PSMA4: variants seen among roughly 807,000 people sequenced by gnomAD.
PSMA4 encodes the protein proteasome 20S subunit alpha 4, also known as proteasome subunit alpha type-4.
A neutral mutation model predicts 37.2 loss-of-function variants in PSMA4; 8 were observed. The observed-to-expected ratio is 0.22, with a 90% CI of 0.13 to 0.39. The LOEUF (loss-of-function observed/expected upper bound fraction) is 0.39. PSMA4 is among the 10% of genes least tolerant of loss of function. PSMA4 has a pLI of 1.00. For synonymous variants in PSMA4, 93 were observed against 98.8 expected (o/e 0.94, Z 0.35); for missense variants, 169 against 305.1 (o/e 0.55, Z 3.32).
chr15:78,547,266 C>A (rs2052570147), intron 8 of PSMA4, among the ~76,000 whole-genome samples: 1 of 152,182 alleles, frequency 6.6e-6, no homozygotes, highest in South Asian at 2.1e-4. Context: ...ACTGAACAAT[C>A]TCATTACTCA....
At chr15:78,543,272 G>T (rs1232775833) in intron 4 of PSMA4, among the ~76,000 whole-genome samples, 3 of 152,138 alleles carry the variant, frequency 2.0e-5, no homozygotes, top group African/African-American at 7.2e-5. Flanking sequence ...GATTATCAGG[G>T]CCTTTTGATA....
Position 78,549,137 on chromosome 15 carries a change from GTC to G in PSMA4, c.*195_*196del. ...ACGATGATGGTTACCCTTCATGGACGTCTTAATCTTCCACACACATCCCCTTT... is the reference window on the plus strand; with the variant it reads ...ACGATGATGGTTACCCTTCATGGACGTTAATCTTCCACACACATCCCCTTT... On this transcript the variant is annotated 3_prime_UTR_variant, in exon 9 of 9. Transcript: ENST00000044462. 1 of 840,050 alleles carries G rather than the reference GTC, an allele frequency of 1.2e-6. No homozygotes were observed. The highest frequency in any genetic ancestry group is 1.6e-6 in the Non-Finnish European group (1 of 635,528). 52.0% of individuals were successfully genotyped at this position (840,050 alleles called of 1,614,324 possible). A position where few individuals can be genotyped will look rare whatever the true frequency, so the allele number is the denominator to read the frequency against.
rs566642442 is a variant in PSMA4, at chr15:78,548,069, A to G, written c.632-721A>G. On this transcript the variant is annotated intron_variant, in intron 8 of 8. Transcript: ENST00000044462. ...ACATGGTGAAACCCCTGCCTCTACT[A>G]AAAATACAAAAAATTAGCCGGGCGT... 1.4e-4 allele frequency among the ~76,000 whole-genome samples: 22 copies of G among 152,008 alleles called. No individual in the cohort carries two copies. The East Asian group carries it at 1.9e-3, about 13-fold the overall frequency.
intron 3 of PSMA4, 30 bp downstream of exon 3, chr15:78,542,249 A>G (rs1363404227): frequency 6.4e-7 from 1 of 1,568,422 alleles, no homozygotes; most frequent in Non-Finnish European, 8.6e-7. Flanking sequence ...ATCTGCCTCA[A>G]GTTTAAAAAT....
Position 78,542,568 on chromosome 15 carries a change from G to T in PSMA4, c.132G>T (p.Leu44Phe). The change falls in exon 4 of 9, where the codon TTG (leucine) becomes TTT (phenylalanine). Residue 44 changes from leucine (L) to phenylalanine (F), a missense_variant. Coordinates refer to ENST00000044462, the MANE Select transcript of PSMA4 (RefSeq NM_002789.6). ...GAATTTTAGCAAATGATGGTGTTTT[G>T]CTTGCAGCAGAGAGACGCAACATCC... is the stretch of plus-strand genomic sequence containing the variant. ...CLGILANDGV[L>F]LAAERRNIHK... The T allele has an allele frequency of 6.2e-7, 1 of 1,614,128 alleles. No homozygotes were observed. The highest frequency in any genetic ancestry group is 8.5e-7 in the Non-Finnish European group (1 of 1,180,026).
At chr15:78,544,830 TTAGAGAAAAC>T in intron 5 of PSMA4, 29 bp from the exon 6 acceptor site, 1 of 1,389,806 alleles carries the variant, frequency 7.2e-7, no homozygotes, top group Non-Finnish European at 1.0e-6. Flanking sequence ...TGTCTGTGTT[TTAGAGAAAAC>T]TACTAATGTG....
intron 3 of PSMA4, 26 bp downstream of exon 3, chr15:78,542,245 C>T (rs996719808): frequency 4.5e-6 from 7 of 1,569,664 alleles, no homozygotes; most frequent in African/African-American, 2.8e-5. Flanking sequence ...TTTAATCTGC[C>T]TCAAGTTTAA....
chr15:78,544,651 A>C lies in PSMA4; in HGVS notation c.288-218A>C, dbSNP rs145622113. On this transcript the variant is annotated intron_variant, in intron 5 of 8. Coordinates refer to ENST00000044462, the MANE Select transcript of PSMA4 (RefSeq NM_002789.6). ...ACTTTTGCAAAGATTAAAGTCATTA[A>C]AAATCTTTGAATTGAAAATTACAGA... 1.2e-3 allele frequency: 608 copies of C among 491,712 alleles called. 1 individual carries two copies. Among genetic ancestry groups the C allele is most frequent in the African/African-American group, 0.011 (559 of 50,778 alleles). 30.5% of individuals were successfully genotyped at this position (491,712 alleles called of 1,614,324 possible).
Position 78,545,631 on chromosome 15 carries a change from A to C in PSMA4, c.377-3A>C, listed in dbSNP as rs1446783466. Reference sequence around the variant, plus strand: ...TATGTTTGGCTTTTTTTCTTTGTTAAAGGAAAACGTCCCTTTGGTGTTTCA... The same window carrying C: ...TATGTTTGGCTTTTTTTCTTTGTTACAGGAAAACGTCCCTTTGGTGTTTCA... On this transcript the variant is annotated splice_region_variant and splice_polypyrimidine_tract_variant and intron_variant, in intron 6 of 8. Coordinates refer to ENST00000044462, the MANE Select transcript of PSMA4 (RefSeq NM_002789.6). 1 of 1,613,758 alleles carries C rather than the reference A, an allele frequency of 6.2e-7. No homozygotes were observed. The highest frequency in any genetic ancestry group is 1.7e-5 in the Admixed American group (1 of 59,964).
In PSMA4 at chr15:78,549,136, C is replaced by A; in HGVS notation, c.*192C>A. The A allele has an allele frequency of 2.4e-6, 2 of 845,162 alleles. No individual in the cohort carries two copies. Among genetic ancestry groups the A allele is most frequent in the Non-Finnish European group, 3.1e-6 (2 of 639,860 alleles). 52.4% of individuals were successfully genotyped at this position (845,162 alleles called of 1,614,324 possible). ...AACGATGATGGTTACCCTTCATGGA[C>A]GTCTTAATCTTCCACACACATCCCC... On this transcript the variant is annotated 3_prime_UTR_variant, in exon 9 of 9. Transcript: ENST00000044462.
rs2052607921 is a variant in PSMA4 at position 78,549,093 on chromosome 15, A to G, written c.*149A>G. The stretch of plus-strand genomic sequence containing the variant: ...AATTGGGTCCTTGTCATTTCTGTCC[A>G]ATTGAATACTTTATTGTAACGATGA... On this transcript the variant is annotated 3_prime_UTR_variant, in exon 9 of 9. Coordinates refer to ENST00000044462, the MANE Select transcript of PSMA4 (RefSeq NM_002789.6). 8.5e-7 allele frequency: 1 copy of G among 1,174,264 alleles called. No individual in the cohort carries two copies. Among genetic ancestry groups the G allele is most frequent in the Non-Finnish European group, 1.1e-6 (1 of 906,562 alleles). The allele number at this position is 1,174,264 out of a possible 1,614,324, so 72.7% of individuals were successfully genotyped here.
Position 78,551,897 on chromosome 15 carries a change from A to G in PSMA4, c.*2953A>G, listed in dbSNP as rs774212038. 1 of 152,210 alleles carries G rather than the reference A, an allele frequency of 6.6e-6. No individual in the cohort carries two copies. Among genetic ancestry groups the G allele is most frequent in the Non-Finnish European group, 1.5e-5 (1 of 68,038 alleles). The allele number at this position is 152,210 out of a possible 1,614,324, so 9.4% of individuals were successfully genotyped here. The stretch of plus-strand genomic sequence containing the variant: ...AGAGAGCCTGGTATAGTTTGCCGCC[A>G]CATTAGGAAAGTCTTCAGAATTTGA... On this transcript the variant is annotated 3_prime_UTR_variant, in exon 9 of 9. Transcript: ENST00000044462.
At chr15:78,546,448 C>CA (rs11350747) in intron 7 of PSMA4, 127 bp from the exon 8 acceptor site, 24,961 of 654,032 alleles carry the variant, frequency 0.038, 116 homozygotes, top group African/African-American at 0.089. Context: ...GCCCCTGTGT[C>CA]AAAAAAAAAA....
Position 78,550,727 on chromosome 15 carries a change from CACTT to C in PSMA4, c.*1786_*1789del, listed in dbSNP as rs911433545. On this transcript the variant is annotated 3_prime_UTR_variant, in exon 9 of 9. Coordinates refer to ENST00000044462, the MANE Select transcript of PSMA4 (RefSeq NM_002789.6). ...AACGGCACAAGGTAGACTGCAGGAA[CACTT>C]ACACGGTGTGAGAGCTGAAACAAGA... 6.6e-6 allele frequency: 1 copy of C among 150,896 alleles called. No homozygotes were observed. The highest frequency in any genetic ancestry group is 6.6e-5 in the Admixed American group (1 of 15,222). 9.3% of individuals were successfully genotyped at this position (150,896 alleles called of 1,614,324 possible). A position where few individuals can be genotyped will look rare whatever the true frequency, so the allele number is the denominator to read the frequency against.
intron 5 of PSMA4, chr15:78,544,584 C>T: frequency 2.2e-6 from 1 of 447,222 alleles, no homozygotes; most frequent in Non-Finnish European, 4.0e-6. Context: ...CAGGCATTAG[C>T]CACTGCACCT....
rs1171975348 is a variant in PSMA4 at position 78,549,008 on chromosome 15, C to T, written c.*64C>T. ...GTGTAAAAGCAGTCCTACTCTTCCACACTAGGAAGGCTTTACTTTTTTTAA... is the reference window on the plus strand; with the variant it reads ...GTGTAAAAGCAGTCCTACTCTTCCATACTAGGAAGGCTTTACTTTTTTTAA... On this transcript the variant is annotated 3_prime_UTR_variant, in exon 9 of 9. Transcript: ENST00000044462. 2.0e-6 allele frequency: 3 copies of T among 1,523,234 alleles called. No homozygotes were observed. The highest frequency in any genetic ancestry group is 2.6e-6 in the Non-Finnish European group (3 of 1,140,274). The allele number at this position is 1,523,234 out of a possible 1,614,324, so 94.4% of individuals were successfully genotyped here. A position where few individuals can be genotyped will look rare whatever the true frequency, so the allele number is the denominator to read the frequency against.
intron 4 of PSMA4, among the ~76,000 whole-genome samples, chr15:78,543,312 C>G (rs2052488929): frequency 6.6e-6 from 1 of 152,156 alleles, no homozygotes; most frequent in South Asian, 2.1e-4. Context: ...CACCCCTCCA[C>G]AGAGCCTCTG....
At chr15:78,543,211 C>T (rs2052486334) in intron 4 of PSMA4, among the ~76,000 whole-genome samples, 2 of 152,136 alleles carry the variant, frequency 1.3e-5, no homozygotes, top group Admixed American at 6.5e-5. Flanking sequence ...GGAGAGCTGA[C>T]CGTGCTAAGT....
At position 78,544,784 on chromosome 15, in the gene PSMA4, A is replaced by G. The variant is rs573890027; in HGVS notation, c.288-85A>G. The G allele has an allele frequency of 4.5e-6, 4 of 887,764 alleles. 1 individual carries two copies. The East Asian group carries it at 7.5e-5, about 17-fold the overall frequency. The allele number at this position is 887,764 out of a possible 1,614,324, so 55.0% of individuals were successfully genotyped here. Reference sequence around the variant, plus strand: ...ATGACTGTTAGGTTGTCCCCATGGCATAGATTGCTTTTCAGAGAATATTTT... The same window carrying G: ...ATGACTGTTAGGTTGTCCCCATGGCGTAGATTGCTTTTCAGAGAATATTTT... On this transcript the variant is annotated intron_variant, in intron 5 of 8. Transcript: ENST00000044462.
Sources: allele counts gnomAD v4.1 joint callset (sites outside exome capture counted in the v4.1 genomes callset), GRCh38; gene constraint gnomAD v4.1.1; transcripts MANE v1.5; gene names NCBI Gene and HGNC (gene_info 2026-07-23, HGNC 2026-07-21).